Variants in PKD1L3 observed in about 807,000 individuals in gnomAD.
PKD1L3 encodes the protein polycystin-1-like protein 3.
PKD1L3 carries 239 observed loss-of-function variants against 184.1 expected under a neutral mutation model. The ratio of observed to expected loss-of-function variants is 1.30; its 90% CI spans 1.17 to 1.45. The LOEUF is 1.45. Ranked by LOEUF, PKD1L3 falls within the 40% of genes most tolerant of loss-of-function variation. The probability of loss-of-function intolerance (pLI) is 0.00; values close to 1 mark genes in which losing one functional copy is unlikely to be tolerated. For missense variants in PKD1L3, 2,660 were observed against 2,067.2 expected, an observed-to-expected ratio of 1.29 and a Z score of -5.56; for synonymous variants, 996 against 778.8, an observed-to-expected ratio of 1.28 and a Z score of -4.64.
rs1191260722 is a variant in PKD1L3 at position 71,973,524 on chromosome 16, A to G, written c.1760-7T>C. 15 of 1,549,858 alleles carry G rather than the reference A, an allele frequency of 9.7e-6. No homozygotes were observed. The highest frequency in any genetic ancestry group is 1.3e-5 in the Non-Finnish European group (15 of 1,145,770). ...ACCCACGTGTACTCCTCATCTTAGA[A>G]CAAAGAAGAGTGCTTACTTGTATAT... is the stretch of plus-strand genomic sequence containing the variant. On this transcript the variant is annotated splice_polypyrimidine_tract_variant and splice_region_variant and intron_variant, in intron 11 of 29. Transcript: ENST00000620267.
chr16:71,980,247 G>T, intron 7 of PKD1L3, 113 bp from the exon 8 acceptor site: 1 of 1,326,372 alleles, frequency 7.5e-7, no homozygotes, highest in Non-Finnish European at 1.0e-6. Context: ...GTAATGAAGG[G>T]TAGTATTCCT....
chr16:71,933,113 G>T (rs919587906), intron 28 of PKD1L3, among the ~76,000 whole-genome samples: 3 of 152,092 alleles, frequency 2.0e-5, no homozygotes, highest in Non-Finnish European at 4.4e-5. Context: ...GAGAAGCAGA[G>T]AATCTTGTTA....
At chr16:71,972,556 T>C (rs1002475118) in intron 12 of PKD1L3, among the ~76,000 whole-genome samples, 1 of 151,836 alleles carries the variant, frequency 6.6e-6, no homozygotes, top group Non-Finnish European at 1.5e-5. Flanking sequence ...TGGTGGCACA[T>C]GCCTGTGGTC....
At chr16:71,951,162 C>T (rs2038817492) in intron 19 of PKD1L3, among the ~76,000 whole-genome samples, 1 of 152,108 alleles carries the variant, frequency 6.6e-6, no homozygotes, top group Admixed American at 6.6e-5. Flanking sequence ...GCCTCAGCCT[C>T]CCCCGTAGCT....
chr16:71,938,584 C>G (rs1346713741), intron 24 of PKD1L3, among the ~76,000 whole-genome samples: 1 of 152,226 alleles, frequency 6.6e-6, no homozygotes. Flanking sequence ...GGCGCTTCTT[C>G]TGGGCCCACC....
At chr16:71,974,333 T>C (rs1173709257) in intron 11 of PKD1L3, among the ~76,000 whole-genome samples, 1 of 152,144 alleles carries the variant, frequency 6.6e-6, no homozygotes, top group Non-Finnish European at 1.5e-5. Context: ...AAAAGGTTCC[T>C]GAAGGCCCCT....
In PKD1L3 at chr16:71,954,177, G is replaced by C. The variant is rs1352602318; in HGVS notation, c.2737C>G (p.Leu913Val). 1 of 1,551,556 alleles carries C rather than the reference G, an allele frequency of 6.4e-7. No homozygotes were observed. Among genetic ancestry groups the C allele is most frequent in the African/African-American group, 1.4e-5 (1 of 72,994 alleles). ...VQRLSCCMTLLLCNMVINVMF... is the reference protein window; with the variant it reads ...VQRLSCCMTLVLCNMVINVMF... ...ACATTGATGACCATGTTGCAGAGTA[G>C]CAGTGTCATGCAGCAAGACAGCCGT... The change falls in exon 17 of 30, where the codon CTA becomes GTA. Residue 913 changes from leucine (L) to valine (V), a missense_variant. Physicochemically the swap from Leu to Val is conservative, Grantham distance 32. Transcript: ENST00000620267.
At chr16:71,933,810 A>G (rs2038077014) in intron 27 of PKD1L3, 105 bp downstream of exon 27, 31 of 1,273,046 alleles carry the variant, frequency 2.4e-5, no homozygotes, top group Non-Finnish European at 3.3e-5. Context: ...CGGCTTTCCT[A>G]CTGTACCACC....
At chr16:71,990,578 A>C (rs1429455143) in intron 3 of PKD1L3, among the ~76,000 whole-genome samples, 1 of 152,088 alleles carries the variant, frequency 6.6e-6, no homozygotes, top group Non-Finnish European at 1.5e-5. Context: ...TACTAAAAAC[A>C]TAATAATTAG....
At chr16:71,986,956 ACT>A (rs2040395395) in intron 4 of PKD1L3, among the ~76,000 whole-genome samples, 1 of 111,630 alleles carries the variant, frequency 9.0e-6, no homozygotes, top group South Asian at 2.9e-4. Context: ...ACAGAGTCTC[ACT>A]CTGTCTCCCA....
chr16:71,933,501 G>A lies in PKD1L3; in HGVS notation c.4845C>T (p.Cys1615=), dbSNP rs202029429. The change falls in exon 28 of 30, where the codon TGC becomes TGT. Residue 1615 remains cysteine (C), a synonymous_variant. Transcript: ENST00000620267. The stretch of plus-strand genomic sequence containing the variant: ...AAAATGTCCGGTAGTCAGAGATGCT[G>A]CATCCAAACAGCAGGTTAAACTGAA... ...YAIAFNLLFG[C]SISDYRTFFS... The A allele has an allele frequency of 1.5e-5, 23 of 1,551,318 alleles. No homozygotes were observed. Among genetic ancestry groups the A allele is most frequent in the Non-Finnish European group, 2.0e-5 (23 of 1,146,574 alleles).
intron 12 of PKD1L3, among the ~76,000 whole-genome samples, chr16:71,971,496 G>C (rs774400578): frequency 2.0e-5 from 3 of 152,078 alleles, no homozygotes; most frequent in African/African-American, 7.2e-5. Flanking sequence ...GCTGTATTTG[G>C]GGCAGCTCAA....
chr16:71,929,585 T>G lies in PKD1L3; in HGVS notation c.5152A>C (p.Thr1718Pro). The G allele has an allele frequency of 1.9e-6, 3 of 1,551,832 alleles. No homozygotes were observed. Reference sequence around the variant, plus strand: ...TCAGTGTCACTGCCCACTGCTGTCGTGGCTGCTTGCTCAGATGAGGTTTTT... The same window carrying G: ...TCAGTGTCACTGCCCACTGCTGTCGGGGCTGCTTGCTCAGATGAGGTTTTT... Reference protein sequence around the residue: ...PQKTSSEQAATTAVGSDTEVL... With the variant: ...PQKTSSEQAAPTAVGSDTEVL... Residue 1718 changes from threonine (T) to proline (P), a missense_variant, in exon 30 of 30, where the codon ACG becomes CCG. Transcript: ENST00000620267.
At chr16:71,953,164 G>C in intron 17 of PKD1L3, 71 bp from the exon 18 acceptor site, 1 of 1,254,584 alleles carries the variant, frequency 8.0e-7, no homozygotes, top group East Asian at 2.9e-5. Flanking sequence ...TCCTCTCCTA[G>C]GTTTAACTAT....
intron 15 of PKD1L3, among the ~76,000 whole-genome samples, chr16:71,966,081 T>C (rs1417636185): frequency 6.6e-6 from 1 of 151,946 alleles, no homozygotes; most frequent in Non-Finnish European, 1.5e-5. Context: ...CTGGTATGTC[T>C]AGCTAGGGGG....
At position 71,965,153 on chromosome 16, in the gene PKD1L3, A is replaced by G. The variant is rs144333472; in HGVS notation, c.2466-1802T>C. 4.3e-4 allele frequency among the ~76,000 whole-genome samples: 66 copies of G among 152,212 alleles called. No individual in the cohort carries two copies. The East Asian group carries it at 0.012, about 27-fold the overall frequency. ...GTGAGCCACTGTGTCTGGCCTATAC[A>G]TTCTTTATGTACAGCTTCTTTCACT... On this transcript the variant is annotated intron_variant, in intron 15 of 29. Transcript: ENST00000620267.
chr16:71,992,603 T>C (rs144002478), intron 3 of PKD1L3, among the ~76,000 whole-genome samples: 1 of 152,234 alleles, frequency 6.6e-6, no homozygotes, highest in Non-Finnish European at 1.5e-5. Context: ...AGTCCCAATT[T>C]ACAAAGGATT....
rs1484886192 is a variant in PKD1L3, at chr16:71,982,125, A to T, written c.1077T>A (p.His359Gln). ...FKVPPTVCPFHSLNNVTKAGE... is the reference protein window; with the variant it reads ...FKVPPTVCPFQSLNNVTKAGE... ...CAGCTTTGGTGACATTGTTGAGGGA[A>T]TGAAAGGGGCAGACAGTTGGAGGAA... Residue 359 changes from histidine (H) to glutamine (Q), a missense_variant, in exon 7 of 30, where the codon CAT (histidine) becomes CAA (glutamine). Transcript: ENST00000620267. 1 of 1,551,838 alleles carries T rather than the reference A, an allele frequency of 6.4e-7. No homozygotes were observed. The highest frequency in any genetic ancestry group is 1.4e-5 in the African/African-American group (1 of 72,978).
rs1488134341 is a variant in PKD1L3 at position 71,999,857 on chromosome 16, T to C, written c.122A>G (p.Gln41Arg). 6.4e-7 allele frequency: 1 copy of C among 1,551,686 alleles called. No individual in the cohort carries two copies. Among genetic ancestry groups the C allele is most frequent in the Non-Finnish European group, 8.7e-7 (1 of 1,147,018 alleles). Residue 41 changes from glutamine (Q) to arginine (R), a missense_variant, in exon 1 of 30, where the codon CAA becomes CGA. Transcript: ENST00000620267. ...QNNCYQLNRF[Q>R]CSFEEAQHYC... ...ATGCTGTGCTTCCTCAAAGCTGCAT[T>C]GAAATCTGTTAAGCTGGTAACAATT...
Sources: gnomAD v4.1 joint callset for allele counts (sites outside exome capture counted in the v4.1 genomes callset) on GRCh38, gnomAD v4.1.1 for gene constraint, MANE v1.5 for transcripts, NCBI Gene and HGNC (gene_info 2026-07-23, HGNC 2026-07-21) for gene names.